The following RASA3 variants were observed in gnomAD, a reference collection of about 807,000 sequenced individuals.
RASA3 encodes ras GTPase-activating protein 3.
Under a neutral mutation model 110.0 loss-of-function variants are expected in RASA3, and 73 were observed. The observed-to-expected ratio is 0.66, with a 90% CI of 0.55 to 0.81. The LOEUF (loss-of-function observed/expected upper bound fraction) is 0.81. RASA3 is among the 30% of genes least tolerant of loss of function. RASA3 has a pLI of 0.00. For missense variants in RASA3, 976 were observed against 1,113.2 expected (o/e 0.88, Z 1.75); for synonymous variants, 500 against 451.4 (o/e 1.11, Z -1.37).
chr13:114,097,784 T>C (rs1246651394), intron 1 of RASA3, among the ~76,000 whole-genome samples: 1 of 151,240 alleles, frequency 6.6e-6, no homozygotes, highest in Non-Finnish European at 1.5e-5. Context: ...CGGGAGAGAG[T>C]GGGCAGCCGA....
chr13:114,124,114 C>T (rs1056753451), intron 1 of RASA3, among the ~76,000 whole-genome samples: 5 of 152,140 alleles, frequency 3.3e-5, no homozygotes, highest in African/African-American at 7.2e-5. Context: ...CGCAGGTCAG[C>T]GCTGCAGCCG....
chr13:114,052,077 GTC>G lies in RASA3; in HGVS notation c.250_251del (p.Asp84ArgfsTer36). 6.2e-7 allele frequency: 1 copy of G among 1,611,336 alleles called. No individual in the cohort carries two copies. The highest frequency in any genetic ancestry group is 8.5e-7 in the Non-Finnish European group (1 of 1,177,806). On this transcript the variant is annotated frameshift_variant, in exon 3 of 24. Transcript: ENST00000334062. LOFTEE classifies it high-confidence loss of function. ...CTATGATGGAATCCCTCCGGAAAAC[GTC>G]TCTATCGAAAATGTAGAAGGACAGG... ...RHLSFYIFDR[D>X]VFRRDSIIGK...
At position 113,995,787 on chromosome 13, in the gene RASA3, CG is replaced by C. The variant is rs1287263931; in HGVS notation, c.2141+743del. Among the ~76,000 whole-genome samples, 19 of 10,682 alleles carry C rather than the reference CG, an allele frequency of 1.8e-3. 3 individuals are homozygous for C. The South Asian group carries it at 0.067, about 38-fold the overall frequency. 7.0% of individuals were successfully genotyped at this position (10,682 alleles called of 152,430 possible). A position where few individuals can be genotyped will look rare whatever the true frequency, so the allele number is the denominator to read the frequency against. On this transcript the variant is annotated intron_variant, in intron 21 of 23. Coordinates refer to ENST00000334062, the MANE Select transcript of RASA3 (RefSeq NM_007368.4). Reference sequence around the variant, plus strand: ...CCCGGCTGACGGGGGGCCCGGCTGACGGGGGGTCCGGCTGATGGGGGTCCGG... The same window carrying C: ...CCCGGCTGACGGGGGGCCCGGCTGACGGGGGTCCGGCTGATGGGGGTCCGG...
At chr13:114,079,242 C>T (rs1167855065) in intron 1 of RASA3, among the ~76,000 whole-genome samples, 4 of 152,218 alleles carry the variant, frequency 2.6e-5, no homozygotes, top group Admixed American at 6.5e-5. Flanking sequence ...CTCTTTCCCA[C>T]GTCATCACGG....
At position 114,083,329 on chromosome 13, in the gene RASA3, G is replaced by C. The variant is rs550501337; in HGVS notation, c.56-9492C>G. Reference sequence around the variant, plus strand: ...AAACGTGAGCTCAATTTCCTCCGATGTGTGGCCCATCCTGATTTCTGTGGT... The same window carrying C: ...AAACGTGAGCTCAATTTCCTCCGATCTGTGGCCCATCCTGATTTCTGTGGT... On this transcript the variant is annotated intron_variant, in intron 1 of 23. Transcript: ENST00000334062. Among the ~76,000 whole-genome samples, 6 of 152,376 alleles carry C rather than the reference G, an allele frequency of 3.9e-5. 1 individual carries two copies. The highest frequency in any genetic ancestry group is 1.4e-4 in the African/African-American group (6 of 41,584).
chr13:114,028,099 C>A (rs1021612810), intron 5 of RASA3, among the ~76,000 whole-genome samples, 172 bp from the exon 6 acceptor site: 5 of 152,166 alleles, frequency 3.3e-5, no homozygotes, highest in African/African-American at 1.2e-4. Context: ...CGCTGAATCA[C>A]GCTGGCCATT....
At chr13:114,110,294 C>T (rs989759032) in intron 1 of RASA3, among the ~76,000 whole-genome samples, 8 of 152,200 alleles carry the variant, frequency 5.3e-5, no homozygotes, top group Admixed American at 5.2e-4. Flanking sequence ...GAGACAGACC[C>T]GGGCCCCTGA....
At chr13:113,992,868 C>T (rs186939439) in intron 21 of RASA3, among the ~76,000 whole-genome samples, 32 of 152,298 alleles carry the variant, frequency 2.1e-4, no homozygotes, top group South Asian at 1.9e-3. Context: ...TATTTGGACA[C>T]GTGGCAAAAG....
At chr13:113,989,595 A>G (rs563070065) in intron 22 of RASA3, among the ~76,000 whole-genome samples, 2 of 138,592 alleles carry the variant, frequency 1.4e-5, no homozygotes, top group Non-Finnish European at 3.1e-5. Context: ...CACTCACCCC[A>G]GTCCATCCTC....
intron 3 of RASA3, among the ~76,000 whole-genome samples, chr13:114,042,661 A>G (rs2139479630): frequency 6.6e-6 from 1 of 152,348 alleles, no homozygotes; most frequent in African/African-American, 2.4e-5. Context: ...AGGACAGCGC[A>G]GCCCAGCCCC....
At chr13:114,101,402 A>C (rs1053786081) in intron 1 of RASA3, among the ~76,000 whole-genome samples, 1 of 152,220 alleles carries the variant, frequency 6.6e-6, no homozygotes, top group African/African-American at 2.4e-5. Context: ...CTCTACAGGA[A>C]GGACAGAGGC....
chr13:114,101,892 G>A lies in RASA3; in HGVS notation c.56-28055C>T, dbSNP rs183667711. ...TGGCACATCATTCACCCTGGACCAC[G>A]GCACAAGGAAATCAACTCACCCTGG... On this transcript the variant is annotated intron_variant, in intron 1 of 23. Transcript: ENST00000334062. Among the ~76,000 whole-genome samples the A allele has an allele frequency of 3.7e-4, 56 of 152,218 alleles. No individual in the cohort carries two copies. In the East Asian group the frequency reaches 8.9e-3, roughly 24 times the overall value.
Position 114,026,264 on chromosome 13 carries a change from C to T in RASA3, c.603+1125G>A, listed in dbSNP as rs575698622. On this transcript the variant is annotated intron_variant, in intron 7 of 23. Transcript: ENST00000334062. ...TGTGTGTGGCAGCCAAGCCAGCAGC[C>T]GAGGCGGGGGGAGCTGCCACCTGGA... is the stretch of plus-strand genomic sequence containing the variant. Among the ~76,000 whole-genome samples, 18 of 152,310 alleles carry T rather than the reference C, an allele frequency of 1.2e-4. No individual in the cohort carries two copies. The East Asian group carries it at 2.3e-3, about 20-fold the overall frequency.
At chr13:114,015,168 T>A in intron 14 of RASA3, 41 bp downstream of exon 14, 1 of 1,610,928 alleles carries the variant, frequency 6.2e-7, no homozygotes, top group East Asian at 2.2e-5. Context: ...CACAGCGCTA[T>A]GGCAGTTTCT....
At position 114,029,861 on chromosome 13, in the gene RASA3, C is replaced by T. The variant is rs1288413176; in HGVS notation, c.399G>A (p.Leu133=). ...VQGKVHLELR[L]SEVITDTGVV... ...CCCCAGTGTCTGTGATGACCTCGCT[C>T]AGCCGCAGCTCCAGGTGCACTTTGC... The change falls in exon 5 of 24, where the codon CTG becomes CTA. Residue 133 remains leucine (L), a synonymous_variant. Coordinates refer to ENST00000334062, the MANE Select transcript of RASA3 (RefSeq NM_007368.4). 1 of 1,572,234 alleles carries T rather than the reference C, an allele frequency of 6.4e-7. No individual in the cohort carries two copies. The highest frequency in any genetic ancestry group is 1.8e-5 in the Admixed American group (1 of 54,820).
intron 1 of RASA3, chr13:114,077,748 C>T: frequency 1.1e-6 from 1 of 933,814 alleles, no homozygotes; most frequent in Non-Finnish European, 1.3e-6. Context: ...GCCCAGTCCC[C>T]TGGCCCCAAA....
At position 114,030,464 on chromosome 13, in the gene RASA3, A is replaced by G. The variant is rs868525233; in HGVS notation, c.373-577T>C. On this transcript the variant is annotated intron_variant, in intron 4 of 23. Transcript: ENST00000334062. Reference sequence around the variant, plus strand: ...CACACAGAGGGCAAGGCTCACACAGAGGGCAAGGCTCACACAGAGGGCAAG... The same window carrying G: ...CACACAGAGGGCAAGGCTCACACAGGGGGCAAGGCTCACACAGAGGGCAAG... Among the ~76,000 whole-genome samples, 111 of 103,544 alleles carry G rather than the reference A, an allele frequency of 1.1e-3. 2 individuals carry two copies. Among genetic ancestry groups the G allele is most frequent in the African/African-American group, 3.5e-3 (102 of 29,180 alleles). The allele number at this position is 103,544 out of a possible 152,430, so 67.9% of individuals were successfully genotyped here.
chr13:114,013,564 C>T (rs1263972834), intron 14 of RASA3, among the ~76,000 whole-genome samples: 1 of 126,306 alleles, frequency 7.9e-6, no homozygotes, highest in East Asian at 2.3e-4. Context: ...CTCTGTCTCT[C>T]TCCCTATCTC....
Position 114,004,459 on chromosome 13 carries a change from G to A in RASA3, c.1742+3074C>T, listed in dbSNP as rs374957733. Among the ~76,000 whole-genome samples the A allele has an allele frequency of 1.2e-3, 179 of 152,112 alleles. 5 individuals carry two copies. In the South Asian group the frequency reaches 0.036, roughly 31 times the overall value. On this transcript the variant is annotated intron_variant, in intron 18 of 23. Coordinates refer to ENST00000334062, the MANE Select transcript of RASA3 (RefSeq NM_007368.4). ...GAAGACAAATGGCCAACAAGCATAC[G>A]ATATAAAGCCCAGCGTGGCTCATCA... is the stretch of plus-strand genomic sequence containing the variant.
Sources: allele counts gnomAD v4.1 joint callset (sites outside exome capture counted in the v4.1 genomes callset), GRCh38; gene constraint gnomAD v4.1.1; transcripts MANE v1.5; gene names NCBI Gene and HGNC (gene_info 2026-07-23, HGNC 2026-07-21).